Variants in FRY observed in about 807,000 individuals in gnomAD.
The protein encoded by FRY is FRY microtubule binding protein.
In FRY, 128 loss-of-function variants were observed where a neutral mutation model predicts 348.4. The observed-to-expected ratio is 0.37, with a 90% CI of 0.32 to 0.43. FRY has a LOEUF of 0.43. Among genes scored for constraint, FRY ranks in the 20% least tolerant of loss-of-function variants. FRY has a pLI of 1.00. For missense variants in FRY, 2,736 were observed against 3,695.2 expected (o/e 0.74, Z 6.73); for synonymous variants, 1,370 against 1,374.7 (o/e 1.00, Z 0.08).
chr13:32,277,562 C>CATCATGATATT (rs1888590703), intron 57 of FRY, among the ~76,000 whole-genome samples: 1 of 152,182 alleles, frequency 6.6e-6, no homozygotes, highest in Non-Finnish European at 1.5e-5. Context: ...CAAAGGCCCA[C>CATCATGATATT]GCTCTTAACC....
chr13:32,156,518 T>C (rs1881123316), intron 15 of FRY, among the ~76,000 whole-genome samples: 1 of 151,062 alleles, frequency 6.6e-6, no homozygotes, highest in Non-Finnish European at 1.5e-5. Context: ...GGAAAATCAC[T>C]TGAACCCAGG....
rs1887466536 is a variant in FRY, at chr13:32,258,682, T to G, written c.7417-2934T>G. Among the ~76,000 whole-genome samples the G allele has an allele frequency of 3.3e-5, 5 of 152,134 alleles. No individual in the cohort carries two copies. The South Asian group carries it at 1.0e-3, about 32-fold the overall frequency. On this transcript the variant is annotated intron_variant, in intron 51 of 60. Coordinates refer to ENST00000542859, the MANE Select transcript of FRY (RefSeq NM_023037.3). The stretch of plus-strand genomic sequence containing the variant: ...ACCATACATACTTTCAGTTGAATCT[T>G]TTTTTCCCCCAGGAATTAAAGGCTA...
At chr13:32,258,717 T>TG (rs1566174991) in intron 51 of FRY, among the ~76,000 whole-genome samples, 24 of 151,536 alleles carry the variant, frequency 1.6e-4, no homozygotes, top group Admixed American at 4.6e-4. Flanking sequence ...ATCTCTATCT[T>TG]TGTGTAGTGA....
At chr13:32,267,108 A>G in intron 54 of FRY, 62 bp from the exon 55 acceptor site, 1 of 1,465,760 alleles carries the variant, frequency 6.8e-7, no homozygotes, top group South Asian at 1.1e-5. Flanking sequence ...GAGAATTTAT[A>G]AAACCCAGTA....
At position 32,131,894 on chromosome 13, in the gene FRY, C is replaced by G. The variant is rs1879390270; in HGVS notation, c.885+54C>G. On this transcript the variant is annotated intron_variant, in intron 8 of 60. Coordinates refer to ENST00000542859, the MANE Select transcript of FRY (RefSeq NM_023037.3). The stretch of plus-strand genomic sequence containing the variant: ...GCTCTCAACTTGAGCACTTCCCTTC[C>G]TCAAAATGATGAACCTGGAACATGA... 6 of 1,344,020 alleles carry G rather than the reference C, an allele frequency of 4.5e-6. No homozygotes were observed. In the Admixed American group the frequency reaches 1.0e-4, roughly 23 times the overall value. The allele number at this position is 1,344,020 out of a possible 1,614,324, so 83.3% of individuals were successfully genotyped here.
At chr13:32,126,082 A>G (rs979789044) in intron 7 of FRY, among the ~76,000 whole-genome samples, 2 of 152,230 alleles carry the variant, frequency 1.3e-5, no homozygotes, top group Non-Finnish European at 2.9e-5. Flanking sequence ...AGATATTTCC[A>G]TTGCAATTGA....
chr13:32,283,953 G>A (rs1053818735), intron 58 of FRY, among the ~76,000 whole-genome samples: 2 of 152,118 alleles, frequency 1.3e-5, no homozygotes, highest in Non-Finnish European at 2.9e-5. Flanking sequence ...ACCACTAGTC[G>A]AAGGTTTAAG....
At position 32,171,022 on chromosome 13, in the gene FRY, C is replaced by A. The variant is rs777478179; in HGVS notation, c.1903C>A (p.His635Asn). The A allele has an allele frequency of 6.2e-7, 1 of 1,606,988 alleles. No homozygotes were observed. The highest frequency in any genetic ancestry group is 8.5e-7 in the Non-Finnish European group (1 of 1,173,594). Residue 635 changes from histidine to asparagine, a missense_variant, in exon 18 of 61, where the codon CAT becomes AAT. Coordinates refer to ENST00000542859, the MANE Select transcript of FRY (RefSeq NM_023037.3). ...TTATTCGTTTCACAGGCTCTCTATT[C>A]ATATGGATGATGAATTGCGACATAT... ...LIDLLARLSI[H>N]MDDELRHIAQ...
intron 36 of FRY, among the ~76,000 whole-genome samples, chr13:32,223,430 A>G (rs565385378): frequency 6.6e-6 from 1 of 152,268 alleles, no homozygotes; most frequent in South Asian, 2.1e-4. Flanking sequence ...AGTTACCCAA[A>G]CAAGTAATTC....
intron 53 of FRY, among the ~76,000 whole-genome samples, chr13:32,263,280 A>G (rs1887760102): frequency 6.6e-6 from 1 of 152,244 alleles, no homozygotes; most frequent in African/African-American, 2.4e-5. Flanking sequence ...AAAATTTCAT[A>G]AAAGTATATT....
chr13:32,134,232 A>G (rs1333396651), intron 8 of FRY, among the ~76,000 whole-genome samples: 2 of 152,220 alleles, frequency 1.3e-5, no homozygotes, highest in Non-Finnish European at 2.9e-5. Flanking sequence ...TGGCAGGCCA[A>G]CTTTCCTACA....
chr13:32,225,027 G>A lies in FRY; in HGVS notation c.5011G>A (p.Val1671Ile), dbSNP rs1370582529. 3.8e-6 allele frequency: 6 copies of A among 1,577,556 alleles called. No individual in the cohort carries two copies. In the East Asian group the frequency reaches 1.1e-4, roughly 29 times the overall value. ...TCATCTACCATTATTACTTCATGCT[G>A]TCTTCTTAGGTAAGACTGGATCTAA... ...ALHLPLLLHA[V>I]FLGLDHYRPE... Residue 1671 changes from valine to isoleucine, a missense_variant, in exon 38 of 61, where the codon GTC becomes ATC. By Grantham distance (29) the Val-to-Ile change is conservative. Transcript: ENST00000542859.
chr13:32,204,165 T>C (rs905665572), intron 31 of FRY, among the ~76,000 whole-genome samples: 2 of 152,190 alleles, frequency 1.3e-5, no homozygotes, highest in Admixed American at 6.5e-5. Context: ...TGTGGGCAAG[T>C]CACAGAACCT....
At chr13:32,291,286 T>C (rs1219559626) in intron 59 of FRY, among the ~76,000 whole-genome samples, 1 of 152,204 alleles carries the variant, frequency 6.6e-6, no homozygotes, top group Non-Finnish European at 1.5e-5. Flanking sequence ...TTCAAGAAAG[T>C]AGGCCTTCAC....
intron 42 of FRY, among the ~76,000 whole-genome samples, chr13:32,235,528 G>T (rs1886179636): frequency 6.6e-6 from 1 of 152,220 alleles, no homozygotes; most frequent in Non-Finnish European, 1.5e-5. Context: ...GGAGGCTGAG[G>T]CAGGAGAATC....
chr13:32,277,522 A>T (rs1888589052), intron 57 of FRY, among the ~76,000 whole-genome samples: 1 of 152,244 alleles, frequency 6.6e-6, no homozygotes, highest in Non-Finnish European at 1.5e-5. Context: ...GAACTGGAAG[A>T]GTGGGATTGA....
chr13:32,276,472 A>T lies in FRY; in HGVS notation c.8295A>T (p.Ser2765=). The change falls in exon 57 of 61, where the codon TCA becomes TCT. Residue 2765 remains serine, a synonymous_variant. Coordinates refer to ENST00000542859, the MANE Select transcript of FRY (RefSeq NM_023037.3). ...TATTTTCCTGTCTTTAGCTCCTTTC[A>T]TGTGGACTTCTGGACAAGCTCAAGT... ...TLFVDAETLL[S]CGLLDKLKFS... 3.2e-6 allele frequency: 5 copies of T among 1,570,872 alleles called. No homozygotes were observed. Among genetic ancestry groups the T allele is most frequent in the African/African-American group, 1.3e-5 (1 of 74,204 alleles).
At chr13:32,255,295 C>A in intron 51 of FRY, among the ~76,000 whole-genome samples, 1 of 152,156 alleles carries the variant, frequency 6.6e-6, no homozygotes, top group East Asian at 1.9e-4. Context: ...AGAGGCAGGC[C>A]TAGATCCCAA....
intron 29 of FRY, 77 bp downstream of exon 29, chr13:32,194,374 G>A: frequency 7.5e-7 from 1 of 1,328,828 alleles, no homozygotes; most frequent in Non-Finnish European, 1.1e-6. Flanking sequence ...ACGGAGAGCT[G>A]TTTTGCAACT....
Sources: gnomAD v4.1 joint callset for allele counts (sites outside exome capture counted in the v4.1 genomes callset) on GRCh38, gnomAD v4.1.1 for gene constraint, MANE v1.5 for transcripts, NCBI Gene and HGNC (gene_info 2026-07-23, HGNC 2026-07-21) for gene names.